PDE6A: variants seen among roughly 807,000 people sequenced by gnomAD.
The protein encoded by PDE6A is rod cGMP-specific 3',5'-cyclic phosphodiesterase subunit alpha.
In PDE6A, 84 loss-of-function variants were observed where a neutral mutation model predicts 106.3. The ratio of observed to expected loss-of-function variants is 0.79; its 90% confidence interval spans 0.66 to 0.95. PDE6A has a LOEUF of 0.95. Among genes scored for constraint, PDE6A ranks in the 40% least tolerant of loss-of-function variants. The probability of loss-of-function intolerance (pLI) is 0.00; values close to 1 mark genes in which losing one functional copy is unlikely to be tolerated. For missense variants in PDE6A, 1,052 were observed against 1,084.9 expected, an observed-to-expected ratio of 0.97 and a Z score of 0.43; for synonymous variants, 394 against 386.6, an observed-to-expected ratio of 1.02 and a Z score of -0.23.
At position 149,863,233 on chromosome 5, in the gene PDE6A, T is replaced by C. The variant is rs750914798; in HGVS notation, c.2392A>G (p.Met798Val). 5.0e-6 allele frequency: 8 copies of C among 1,614,022 alleles called. No homozygotes were observed. The South Asian group carries it at 6.6e-5, about 13-fold the overall frequency. Residue 798 changes from methionine (M) to valine (V), a missense_variant, in exon 21 of 22, where the codon ATG becomes GTG. Transcript: ENST00000255266. This position sits in a 1 kb window ranked among gnomAD's most constrained non-coding sequence, Gnocchi z 4.7. ...CGATTGTTGGTGATCCCGTCCAACA[T>C]TGGGGTGATCTCCTCGTGGAAACGG... ...FSRFHEEITP[M>V]LDGITNNRKE...
At chr5:149,890,075 C>T (rs576055236) in intron 13 of PDE6A, among the ~76,000 whole-genome samples, 24 of 151,590 alleles carry the variant, frequency 1.6e-4, no homozygotes, top group African/African-American at 4.6e-4. Flanking sequence ...CCTGCCTCAC[C>T]CTCCTGAGTA....
At chr5:149,937,351 G>A (rs1460525010) in intron 1 of PDE6A, among the ~76,000 whole-genome samples, 2 of 152,162 alleles carry the variant, frequency 1.3e-5, no homozygotes, top group Non-Finnish European at 1.5e-5. Flanking sequence ...GAGGCCATGG[G>A]AAAGAGTTTT....
rs1366137772 is a variant in PDE6A at position 149,933,932 on chromosome 5, G to A, written c.715C>T (p.Gln239Ter). The A allele has an allele frequency of 2.5e-6, 4 of 1,611,612 alleles. No homozygotes were observed. In the South Asian group the frequency reaches 4.4e-5, roughly 18 times the overall value. ...TTCCCTTGGCCCAAGCCCCTTACCTGGCCACGTCGAGTTTCACAGTTGTGC... is the reference window on the plus strand; with the variant it reads ...TTCCCTTGGCCCAAGCCCCTTACCTAGCCACGTCGAGTTTCACAGTTGTGC... ...YLHNCETRRG[Q>*]ILLWSGSKVF... is the part of the protein sequence containing the mutation. Residue 239 changes from glutamine to a stop codon, truncating the protein, a stop_gained and splice_region_variant, in exon 3 of 22, where the codon CAG becomes TAG. Transcript: ENST00000255266. LOFTEE classifies it high-confidence loss of function.
At chr5:149,903,147 T>TAAAAAAAA (rs373566897) in intron 8 of PDE6A, among the ~76,000 whole-genome samples, 1 of 90,982 alleles carries the variant, frequency 1.1e-5, no homozygotes. Context: ...AGACCCTCTC[T>TAAAAAAAA]AAAAAAAAAA....
chr5:149,907,302 T>A lies in PDE6A; in HGVS notation c.1065+10A>T. On this transcript the variant is annotated intron_variant, in intron 7 of 21. Coordinates refer to ENST00000255266, the MANE Select transcript of PDE6A (RefSeq NM_000440.3). Reference sequence around the variant, plus strand: ...CCAAAACTCTCCCCCTTCAAAGTTATATTACTTACCAGGCCATTCTGGGCA... The same window carrying A: ...CCAAAACTCTCCCCCTTCAAAGTTAAATTACTTACCAGGCCATTCTGGGCA... 1 of 1,603,864 alleles carries A rather than the reference T, an allele frequency of 6.2e-7. No homozygotes were observed. Among genetic ancestry groups the A allele is most frequent in the African/African-American group, 1.3e-5 (1 of 74,850 alleles).
intron 8 of PDE6A, among the ~76,000 whole-genome samples, chr5:149,902,690 C>T (rs774732690): frequency 1.3e-5 from 2 of 151,566 alleles, no homozygotes; most frequent in Non-Finnish European, 3.0e-5. Context: ...GGCGTAGTGG[C>T]GGGCGCCTGT....
intron 1 of PDE6A, among the ~76,000 whole-genome samples, chr5:149,942,178 G>T (rs1042635838): frequency 6.6e-6 from 1 of 152,096 alleles, no homozygotes; most frequent in Admixed American, 6.6e-5. Flanking sequence ...GCCCAGCCTG[G>T]TCTCAAATTT....
At position 149,907,304 on chromosome 5, in the gene PDE6A, T is replaced by C. The variant is rs778087859; in HGVS notation, c.1065+8A>G. The stretch of plus-strand genomic sequence containing the variant: ...AAAACTCTCCCCCTTCAAAGTTATA[T>C]TACTTACCAGGCCATTCTGGGCAAC... On this transcript the variant is annotated splice_region_variant and intron_variant, in intron 7 of 21. Coordinates refer to ENST00000255266, the MANE Select transcript of PDE6A (RefSeq NM_000440.3). 13 of 1,606,130 alleles carry C rather than the reference T, an allele frequency of 8.1e-6. No individual in the cohort carries two copies. The highest frequency in any genetic ancestry group is 4.4e-5 in the South Asian group (4 of 90,914).
At chr5:149,900,308 G>C (rs1752918274) in intron 8 of PDE6A, among the ~76,000 whole-genome samples, 1 of 148,472 alleles carries the variant, frequency 6.7e-6, no homozygotes, top group Non-Finnish European at 1.5e-5. Context: ...GTTGCAGTGA[G>C]CTGAGATCGT....
At position 149,899,612 on chromosome 5, in the gene PDE6A, T is replaced by C. The variant is rs1466403041; in HGVS notation, c.1114-88A>G. The C allele has an allele frequency of 1.3e-5, 18 of 1,340,448 alleles. 1 individual carries two copies. Among genetic ancestry groups the C allele is most frequent in the South Asian group, 1.3e-4 (11 of 85,288 alleles). 83.0% of individuals were successfully genotyped at this position (1,340,448 alleles called of 1,614,324 possible). On this transcript the variant is annotated intron_variant, in intron 8 of 21. Coordinates refer to ENST00000255266, the MANE Select transcript of PDE6A (RefSeq NM_000440.3). ...ATTTCACCCTACATCATGACCCTGA[T>C]TGGCTGAGAGGAGGTGGCAAGAGGA...
At chr5:149,862,991 A>G in intron 21 of PDE6A, 128 bp downstream of exon 21, 1 of 1,140,468 alleles carries the variant, frequency 8.8e-7, no homozygotes. Flanking sequence ...TCACACACAG[A>G]ATGGGGACAG....
At chr5:149,928,948 A>G (rs1753947912) in intron 4 of PDE6A, among the ~76,000 whole-genome samples, 1 of 152,232 alleles carries the variant, frequency 6.6e-6, no homozygotes, top group Admixed American at 6.5e-5. Context: ...CAAAAGAGAT[A>G]AAGCCACATG....
At chr5:149,903,773 C>A in intron 7 of PDE6A, 78 bp from the exon 8 acceptor site, 1 of 1,010,148 alleles carries the variant, frequency 9.9e-7, no homozygotes, top group South Asian at 1.3e-5. Context: ...ATACCATTTT[C>A]AGAAACACCA....
At chr5:149,908,976 A>C (rs1487873250) in intron 6 of PDE6A, among the ~76,000 whole-genome samples, 1 of 152,266 alleles carries the variant, frequency 6.6e-6, no homozygotes, top group Non-Finnish European at 1.5e-5. Context: ...TTATTGTAAT[A>C]AAACTGTTAT....
chr5:149,882,152 C>T (rs558293102), intron 17 of PDE6A, among the ~76,000 whole-genome samples: 2 of 152,090 alleles, frequency 1.3e-5, no homozygotes, highest in East Asian at 1.9e-4. Flanking sequence ...GAGCATGCCC[C>T]CTTGTTCAGT....
At chr5:149,906,432 A>G (rs1753182530) in intron 7 of PDE6A, among the ~76,000 whole-genome samples, 1 of 147,358 alleles carries the variant, frequency 6.8e-6, no homozygotes, top group Non-Finnish European at 1.5e-5. Flanking sequence ...TGGCTGAGGC[A>G]TGAGAATTGT....
At chr5:149,882,662 A>C (rs1361645568) in intron 17 of PDE6A, among the ~76,000 whole-genome samples, 1 of 152,224 alleles carries the variant, frequency 6.6e-6, no homozygotes, top group East Asian at 1.9e-4. Context: ...ACCATAACCA[A>C]TTTGTGACTA....
chr5:149,921,344 C>A (rs1183681673), intron 5 of PDE6A, among the ~76,000 whole-genome samples: 34 of 150,572 alleles, frequency 2.3e-4, no homozygotes, highest in Admixed American at 1.3e-4. Context: ...GGCAGGAAGG[C>A]AGGAAGGAAG....
chr5:149,919,126 C>A (rs1226536135), intron 5 of PDE6A, among the ~76,000 whole-genome samples: 1 of 152,138 alleles, frequency 6.6e-6, no homozygotes, highest in Non-Finnish European at 1.5e-5. Context: ...GTGCTGCTCA[C>A]TGTACTCCTG....
Sources: allele counts gnomAD v4.1 joint callset (sites outside exome capture counted in the v4.1 genomes callset), GRCh38; gene constraint gnomAD v4.1.1; non-coding constraint Gnocchi (gnomAD v3.1); transcripts MANE v1.5; gene names NCBI Gene and HGNC (gene_info 2026-07-23, HGNC 2026-07-21).